CLASP2: variants seen among roughly 807,000 people sequenced by gnomAD.
The protein encoded by CLASP2 is CLIP-associating protein 2.
In CLASP2, 47 loss-of-function variants were observed where a neutral mutation model predicts 194.4. That is an observed-to-expected ratio of 0.24 (90% CI 0.19 to 0.31). CLASP2 has a LOEUF of 0.31. CLASP2 is among the 10% of genes least tolerant of loss of function. CLASP2 has a pLI of 1.00. For synonymous variants in CLASP2, 619 were observed against 633.5 expected (o/e 0.98, Z 0.34); for missense variants, 1,445 against 1,823.6 (o/e 0.79, Z 3.78).
chr3:33,718,104 C>T lies in CLASP2; in HGVS notation c.-102G>A. On this transcript the variant is annotated 5_prime_UTR_variant, in exon 1 of 39. The change creates a new upstream start codon in the 5' untranslated region. Coordinates refer to ENST00000682230, the MANE Select transcript of CLASP2 (RefSeq NM_001365631.1). The stretch of plus-strand genomic sequence containing the variant: ...TCCCCGCGGGAGCGGGCGGGACTCA[C>T]TTAGCCCGCCAGGGGCGCGGCTTGC... The T allele has an allele frequency of 8.2e-7, 1 of 1,220,612 alleles. No individual in the cohort carries two copies. The highest frequency in any genetic ancestry group is 1.1e-6 in the Non-Finnish European group (1 of 939,786). 75.6% of individuals were successfully genotyped at this position (1,220,612 alleles called of 1,614,324 possible).
intron 34 of CLASP2, among the ~76,000 whole-genome samples, chr3:33,528,159 T>C (rs1049881201): frequency 2.0e-5 from 3 of 152,276 alleles, no homozygotes; most frequent in African/African-American, 7.2e-5. Flanking sequence ...ATGAATGTGA[T>C]TCATCACATA....
At chr3:33,646,481 TAATAC>T (rs1266487076) in intron 7 of CLASP2, among the ~76,000 whole-genome samples, 7 of 152,146 alleles carry the variant, frequency 4.6e-5, no homozygotes, top group Non-Finnish European at 1.0e-4. Context: ...TTAAAAACAC[TAATAC>T]AATTCCAAAT....
intron 2 of CLASP2, among the ~76,000 whole-genome samples, chr3:33,694,632 A>C (rs901139898): frequency 2.0e-5 from 3 of 152,210 alleles, no homozygotes; most frequent in Non-Finnish European, 4.4e-5. Flanking sequence ...AGGAGGTTTT[A>C]CGAATTGGAA....
intron 37 of CLASP2, among the ~76,000 whole-genome samples, chr3:33,506,377 C>CA (rs2048189726): frequency 0.053 from 3,291 of 61,850 alleles, 1,071 homozygotes; most frequent in South Asian, 0.12. Context: ...GACTCTGTCT[C>CA]GAAAAAAAAA....
At chr3:33,658,917 T>G in intron 7 of CLASP2, 1 of 1,427,462 alleles carries the variant, frequency 7.0e-7, no homozygotes, top group East Asian at 2.5e-5. Flanking sequence ...CAAATGATCG[T>G]CACCTTAAAA....
chr3:33,529,480 G>C (rs538994705), intron 34 of CLASP2, among the ~76,000 whole-genome samples: 8 of 144,468 alleles, frequency 5.5e-5, no homozygotes, highest in Admixed American at 2.2e-4. Flanking sequence ...CAGGCACATA[G>C]ACCACTGAAC....
chr3:33,503,228 T>G (rs1389269592), intron 37 of CLASP2: 1 of 152,174 alleles, frequency 6.6e-6, no homozygotes, highest in Admixed American at 6.5e-5. Flanking sequence ...TGGATAATAT[T>G]CCATTGTATG....
chr3:33,575,575 C>T (rs1443957181), intron 24 of CLASP2, among the ~76,000 whole-genome samples: 1 of 152,072 alleles, frequency 6.6e-6, no homozygotes, highest in African/African-American at 2.4e-5. Context: ...AAAAATGCTA[C>T]TTCTTACATA....
chr3:33,689,692 T>C (rs2091125101), intron 3 of CLASP2, 137 bp downstream of exon 3: 1 of 531,418 alleles, frequency 1.9e-6, no homozygotes. Context: ...ACATTGACAC[T>C]GTATCTTAAA....
chr3:33,616,326 A>T (rs918696007), intron 12 of CLASP2, among the ~76,000 whole-genome samples: 1 of 152,182 alleles, frequency 6.6e-6, no homozygotes, highest in Non-Finnish European at 1.5e-5. Flanking sequence ...CTTAAAGGTC[A>T]TTAAACCCTA....
intron 21 of CLASP2, among the ~76,000 whole-genome samples, chr3:33,586,917 AG>A (rs571121509): frequency 1.3e-5 from 2 of 151,936 alleles, no homozygotes; most frequent in Non-Finnish European, 2.9e-5. Context: ...ACTGATCAAG[AG>A]GGGGGGTGCC....
intron 36 of CLASP2, among the ~76,000 whole-genome samples, chr3:33,512,688 G>GA (rs974434369): frequency 0.35 from 27,612 of 78,628 alleles, 5,434 homozygotes; most frequent in Admixed American, 0.45. Flanking sequence ...ACATACACTG[G>GA]AAAAAAAAAA....
At chr3:33,676,843 G>A in intron 6 of CLASP2, among the ~76,000 whole-genome samples, 1 of 151,960 alleles carries the variant, frequency 6.6e-6, no homozygotes, top group Non-Finnish European at 1.5e-5. Flanking sequence ...CAATGAACTT[G>A]AACAAATTTA....
chr3:33,716,702 A>G (rs2093316609), intron 1 of CLASP2, among the ~76,000 whole-genome samples: 1 of 152,254 alleles, frequency 6.6e-6, no homozygotes, highest in Non-Finnish European at 1.5e-5. Flanking sequence ...TTTTAAAAAT[A>G]ATAATCAAGA....
At chr3:33,589,096 C>G (rs909318584) in intron 21 of CLASP2, among the ~76,000 whole-genome samples, 8 of 151,956 alleles carry the variant, frequency 5.3e-5, no homozygotes, top group African/African-American at 1.9e-4. Flanking sequence ...TCATAAGGAA[C>G]AACTACAATA....
intron 8 of CLASP2, among the ~76,000 whole-genome samples, chr3:33,636,196 A>G (rs2080105355): frequency 6.6e-6 from 1 of 152,186 alleles, no homozygotes; most frequent in Non-Finnish European, 1.5e-5. Context: ...AGCCCCCAAC[A>G]AATCACGTAG....
At position 33,612,041 on chromosome 3, in the gene CLASP2, T is replaced by C. The variant is rs930840568; in HGVS notation, c.1348A>G (p.Ile450Val). The change falls in exon 13 of 39, where the codon ATA becomes GTA. Residue 450 changes from isoleucine (I) to valine (V), a missense_variant. By Grantham distance (29) the Ile-to-Val change is conservative. Around this residue, in one of 4 missense-constraint regions of CLASP2, gnomAD observed 207 missense variants for 331.4 expected, o/e 0.62. Transcript: ENST00000682230. ...HTHVPRLIPL[I>V]TSNCTSKSVP... ...GATTTTGATGTGCAATTGCTTGTTA[T>C]TAAAGGTATAAGTCTGGGTACATGA... is the stretch of plus-strand genomic sequence containing the variant. 1.2e-6 allele frequency: 2 copies of C among 1,610,770 alleles called. No homozygotes were observed. The highest frequency in any genetic ancestry group is 1.7e-5 in the Admixed American group (1 of 59,788).
intron 21 of CLASP2, among the ~76,000 whole-genome samples, chr3:33,587,536 G>T (rs553341623): frequency 1.5e-4 from 23 of 152,202 alleles, no homozygotes; most frequent in Non-Finnish European, 2.8e-4. Context: ...TTTCCTATTA[G>T]TGATAACAAT....
In CLASP2 at chr3:33,535,267, G is replaced by A. The variant is rs762156655; in HGVS notation, c.3753C>T (p.Ala1251=). ...ACTGGTCAGCATCATCATCAAACATGGCTTCCTTGAGGGCAGACTTGTTGA... is the reference window on the plus strand; with the variant it reads ...ACTGGTCAGCATCATCATCAAACATAGCTTCCTTGAGGGCAGACTTGTTGA... ...SPFNKSALKE[A]MFDDDADQFP... Residue 1251 remains alanine (A), a synonymous_variant, in exon 34 of 39, where the codon GCC becomes GCT. Coordinates refer to ENST00000682230, the MANE Select transcript of CLASP2 (RefSeq NM_001365631.1). The A allele has an allele frequency of 1.1e-5, 17 of 1,613,754 alleles. No homozygotes were observed. The East Asian group carries it at 3.8e-4, about 36-fold the overall frequency.
Sources: gnomAD v4.1 joint callset for allele counts (sites outside exome capture counted in the v4.1 genomes callset) on GRCh38, gnomAD v4.1.1 for gene constraint, gnomAD v4.1.1 regional missense constraint, MANE v1.5 for transcripts, NCBI Gene and HGNC (gene_info 2026-07-23, HGNC 2026-07-21) for gene names.